NFATC1: variants seen among roughly 807,000 people sequenced by gnomAD.
NFATC1 encodes the protein nuclear factor of activated T cells 1, also known as nuclear factor of activated T-cells, cytoplasmic 1.
A neutral mutation model predicts 76.0 loss-of-function variants in NFATC1; 22 were observed. The ratio of observed to expected loss-of-function variants is 0.29; its 90% CI spans 0.21 to 0.41. The LOEUF (loss-of-function observed/expected upper bound fraction) is 0.41. Among genes scored for constraint, NFATC1 ranks in the 10% least tolerant of loss-of-function variants. The probability of loss-of-function intolerance (pLI) is 1.00; values close to 1 mark genes in which losing one functional copy is unlikely to be tolerated. For missense variants in NFATC1, 1,357 were observed against 1,337.7 expected, an observed-to-expected ratio of 1.01 and a Z score of -0.23; for synonymous variants, 704 against 613.1, an observed-to-expected ratio of 1.15 and a Z score of -2.19.
chr18:79,487,260 G>A (rs1377030220), intron 9 of NFATC1, among the ~76,000 whole-genome samples: 1 of 152,224 alleles, frequency 6.6e-6, no homozygotes, highest in Non-Finnish European at 1.5e-5. Context: ...AGCTGAATAT[G>A]GAGCCGCACG....
At chr18:79,440,518 G>A (rs2086932841) in intron 3 of NFATC1, among the ~76,000 whole-genome samples, 1 of 152,244 alleles carries the variant, frequency 6.6e-6, no homozygotes. Flanking sequence ...TGAGCAATGG[G>A]CCCTGCTTCC....
chr18:79,427,905 G>GA (rs1274005398), intron 2 of NFATC1, among the ~76,000 whole-genome samples: 5 of 137,666 alleles, frequency 3.6e-5, no homozygotes, highest in Non-Finnish European at 7.9e-5. Flanking sequence ...GGAGGGGGGT[G>GA]GCTAGACAGC....
Position 79,399,901 on chromosome 18 carries a change from G to A in NFATC1, c.127+3550G>A, listed in dbSNP as rs2085127563. On this transcript the variant is annotated intron_variant, in intron 1 of 9. Transcript: ENST00000427363. ...CCCCACTCCCGGGGCTCCGCAGGGC[G>A]CGCACGTGGCGCTCGGGGGTCACCG... Among the ~76,000 whole-genome samples the A allele has an allele frequency of 2.0e-5, 3 of 152,200 alleles. 1 individual carries two copies. In the South Asian group the frequency reaches 6.2e-4, roughly 31 times the overall value.
intron 6 of NFATC1, among the ~76,000 whole-genome samples, chr18:79,456,026 G>A (rs926053505): frequency 9.9e-5 from 15 of 152,168 alleles, no homozygotes; most frequent in Admixed American, 1.3e-4. Context: ...CCTTTCCAAG[G>A]CTGCCCTGCC....
rs192276861 is a variant in NFATC1 at position 79,439,444 on chromosome 18, G to A, written c.1386+5706G>A. 1.2e-3 allele frequency among the ~76,000 whole-genome samples: 179 copies of A among 152,328 alleles called. 1 individual carries two copies. In the South Asian group the frequency reaches 0.023, roughly 20 times the overall value. On this transcript the variant is annotated intron_variant, in intron 3 of 9. Transcript: ENST00000427363. The stretch of plus-strand genomic sequence containing the variant: ...CCACAAAACCACACGCCACGGCACC[G>A]CTGCTGCCAAATGCCGGAGGCCTGC...
At chr18:79,467,920 T>G in intron 8 of NFATC1, 1 of 1,108,200 alleles carries the variant, frequency 9.0e-7, no homozygotes, top group Non-Finnish European at 1.1e-6. Context: ...ATTTGCACCC[T>G]AAAGCTGCTT....
At chr18:79,461,244 G>A in intron 6 of NFATC1, 67 bp from the exon 7 acceptor site, 1 of 1,578,940 alleles carries the variant, frequency 6.3e-7, no homozygotes, top group East Asian at 2.2e-5. Context: ...TGGATCACGT[G>A]GGGGTGTCTG....
intron 3 of NFATC1, chr18:79,448,145 C>G (rs114306255): frequency 0.013 from 2,035 of 153,534 alleles, 52 homozygotes; most frequent in African/African-American, 0.047. Context: ...GTGGTGCGGA[C>G]TATAGACACC....
chr18:79,449,795 G>A (rs913835586), intron 4 of NFATC1, among the ~76,000 whole-genome samples: 87 of 152,336 alleles, frequency 5.7e-4, no homozygotes, highest in African/African-American at 2.0e-3. Context: ...GAGGTCCTGG[G>A]GCTGCAGGAG....
chr18:79,508,994 G>A (rs1002693568), intron 9 of NFATC1, among the ~76,000 whole-genome samples: 1 of 152,036 alleles, frequency 6.6e-6, no homozygotes, highest in African/African-American at 2.4e-5. Context: ...GGAGTGGACA[G>A]GGTTGTCGGT....
chr18:79,469,226 G>A, intron 8 of NFATC1: 1 of 590,638 alleles, frequency 1.7e-6, no homozygotes, highest in Non-Finnish European at 2.1e-6. Context: ...CTTCAAGCAT[G>A]GTTGACCAGA....
At chr18:79,492,506 G>A (rs1253920828) in intron 9 of NFATC1, among the ~76,000 whole-genome samples, 8 of 151,796 alleles carry the variant, frequency 5.3e-5, no homozygotes, top group South Asian at 2.1e-4. Context: ...CCAGAAGATC[G>A]AAACCATCCT....
rs1292250722 is a variant in NFATC1, at chr18:79,407,999, CTT to C, written c.128-2402_128-2401del. ...TCCATCGCAGCTCTGTTTCTTTTCT[CTT>C]TGTTATGGCTCTGCCCCCTGAGTGT... On this transcript the variant is annotated intron_variant, in intron 1 of 9. Coordinates refer to ENST00000427363, the MANE Select transcript of NFATC1 (RefSeq NM_001278669.2). Among the ~76,000 whole-genome samples, 6 of 152,044 alleles carry C rather than the reference CTT, an allele frequency of 3.9e-5. No individual in the cohort carries two copies. The East Asian group carries it at 1.2e-3, about 29-fold the overall frequency.
intron 6 of NFATC1, among the ~76,000 whole-genome samples, chr18:79,459,175 G>T (rs2087916410): frequency 6.6e-6 from 1 of 152,234 alleles, no homozygotes; most frequent in African/African-American, 2.4e-5. Flanking sequence ...TGCAGGGTGC[G>T]GGTGCTCCCA....
intron 9 of NFATC1, among the ~76,000 whole-genome samples, chr18:79,517,631 C>T (rs2145199062): frequency 6.6e-6 from 1 of 152,334 alleles, no homozygotes; most frequent in South Asian, 2.1e-4. Flanking sequence ...AAAATGACAA[C>T]TCTAAAGAAG....
intron 9 of NFATC1, among the ~76,000 whole-genome samples, chr18:79,504,786 G>T (rs1388412039): frequency 1.3e-5 from 2 of 150,940 alleles, no homozygotes; most frequent in African/African-American, 2.5e-5. Context: ...GGAGGAGGTG[G>T]TGCTGGAGGC....
chr18:79,459,496 G>A (rs556858675), intron 6 of NFATC1, among the ~76,000 whole-genome samples: 11 of 152,282 alleles, frequency 7.2e-5, no homozygotes, highest in South Asian at 2.1e-4. Flanking sequence ...CATTAAACGC[G>A]ACATCCTGGC....
Position 79,411,445 on chromosome 18 carries a change from G to T in NFATC1, c.1170G>T (p.Pro390=), listed in dbSNP as rs368527191. 6.6e-7 allele frequency: 1 copy of T among 1,521,598 alleles called. No homozygotes were observed. Among genetic ancestry groups the T allele is most frequent in the African/African-American group, 1.4e-5 (1 of 71,800 alleles). 94.3% of individuals were successfully genotyped at this position (1,521,598 alleles called of 1,614,324 possible). A position where few individuals can be genotyped will look rare whatever the true frequency, so the allele number is the denominator to read the frequency against. ...TCTGCGACCAGTACCTGGCGGTGCC[G>T]CAGCACCCCTACCAGTGGGCGAAGC... The part of the protein sequence containing the change: ...GGFCDQYLAV[P]QHPYQWAKPK... The change falls in exon 2 of 10, where the codon CCG becomes CCT. Residue 390 remains proline (P), a synonymous_variant. Transcript: ENST00000427363.
chr18:79,439,235 C>G (rs886507239), intron 3 of NFATC1, among the ~76,000 whole-genome samples: 1 of 152,206 alleles, frequency 6.6e-6, no homozygotes. Context: ...GGCTGTTAAA[C>G]TGGAAAGCCG....
Sources: allele counts gnomAD v4.1 joint callset (sites outside exome capture counted in the v4.1 genomes callset), GRCh38; gene constraint gnomAD v4.1.1; transcripts MANE v1.5; gene names NCBI Gene and HGNC (gene_info 2026-07-23, HGNC 2026-07-21).